Variants in CREB5 observed in about 807,000 individuals in gnomAD.
CREB5 encodes the protein cyclic AMP-responsive element-binding protein 5.
A neutral mutation model predicts 57.1 loss-of-function variants in CREB5; 19 were observed. That is an observed-to-expected ratio of 0.33 (90% CI 0.23 to 0.49). The LOEUF is 0.49. Among genes scored for constraint, CREB5 ranks in the 20% least tolerant of loss-of-function variants. The pLI, the probability that CREB5 is intolerant of heterozygous loss-of-function variation, is 0.99. For synonymous variants in CREB5, 238 were observed against 238.3 expected (o/e 1.00, Z 0.01); for missense variants, 579 against 671.6 (o/e 0.86, Z 1.52).
intron 1 of CREB5, among the ~76,000 whole-genome samples, chr7:28,351,845 C>T (rs1019181990): frequency 5.9e-5 from 9 of 151,946 alleles, no homozygotes; most frequent in African/African-American, 2.2e-4. Flanking sequence ...TTATAGTCTA[C>T]AGTAATAAAG....
intron 1 of CREB5, among the ~76,000 whole-genome samples, chr7:28,380,255 C>T (rs1051420058): frequency 3.0e-4 from 45 of 152,228 alleles, no homozygotes; most frequent in African/African-American, 1.1e-3. Context: ...CACTTTTCCA[C>T]TCAGCCAGTG....
intron 1 of CREB5, among the ~76,000 whole-genome samples, chr7:28,463,215 A>T (rs1379269754): frequency 3.3e-5 from 5 of 152,082 alleles, no homozygotes; most frequent in African/African-American, 1.2e-4. Context: ...TGATCTTGGC[A>T]TCCTTCTTGA....
chr7:28,351,467 T>G (rs1358067582), intron 1 of CREB5, among the ~76,000 whole-genome samples: 2 of 152,204 alleles, frequency 1.3e-5, no homozygotes, highest in Non-Finnish European at 2.9e-5. Context: ...AAGATCAGAC[T>G]GTCTCTTGTG....
At chr7:28,731,504 C>T (rs1381321091) in intron 7 of CREB5, among the ~76,000 whole-genome samples, 2 of 152,146 alleles carry the variant, frequency 1.3e-5, no homozygotes, top group Admixed American at 1.3e-4. Flanking sequence ...TTCGGGGATT[C>T]TTTTGGCAAA....
chr7:28,635,833 T>C (rs1798397005), intron 5 of CREB5, among the ~76,000 whole-genome samples: 6 of 152,228 alleles, frequency 3.9e-5, no homozygotes, highest in Non-Finnish European at 1.5e-5. Context: ...CCAGTTGATA[T>C]GGTGTCTCCC....
chr7:28,631,210 T>C (rs1477450695), intron 5 of CREB5, among the ~76,000 whole-genome samples: 1 of 152,236 alleles, frequency 6.6e-6, no homozygotes, highest in African/African-American at 2.4e-5. Flanking sequence ...ACTGCTTTAA[T>C]CTGCCTCCCA....
intron 6 of CREB5, among the ~76,000 whole-genome samples, chr7:28,719,917 G>T (rs1045115175): frequency 2.0e-5 from 3 of 152,082 alleles, no homozygotes. Context: ...AAAATTAGCT[G>T]GGCGTGGTGG....
At chr7:28,507,808 T>G (rs1364523870) in intron 4 of CREB5, 71 bp downstream of exon 4, 2 of 1,484,370 alleles carry the variant, frequency 1.3e-6, no homozygotes, top group African/African-American at 1.4e-5. Flanking sequence ...TAGGTGGCAC[T>G]GCACTGCAGA....
intron 1 of CREB5, among the ~76,000 whole-genome samples, chr7:28,334,956 A>G (rs1460279810): frequency 6.6e-6 from 1 of 152,102 alleles, no homozygotes; most frequent in African/African-American, 2.4e-5. Context: ...TTTATTGAAG[A>G]CTGTCCTTTT....
At chr7:28,367,769 C>T (rs1220174187) in intron 1 of CREB5, among the ~76,000 whole-genome samples, 2 of 152,172 alleles carry the variant, frequency 1.3e-5, no homozygotes, top group Non-Finnish European at 2.9e-5. Context: ...GATCCAGCCA[C>T]TGTACTCCAG....
intron 1 of CREB5, among the ~76,000 whole-genome samples, chr7:28,315,656 C>G (rs537338772): frequency 6.6e-6 from 1 of 152,336 alleles, no homozygotes; most frequent in Admixed American, 6.5e-5. Flanking sequence ...TTGTGTTTGA[C>G]CTCGTCCCGA....
intron 5 of CREB5, among the ~76,000 whole-genome samples, chr7:28,656,467 C>T (rs1583488910): frequency 1.3e-5 from 2 of 152,130 alleles, no homozygotes; most frequent in South Asian, 4.1e-4. Flanking sequence ...GTATTTATAC[C>T]TAATCATTTC....
intron 7 of CREB5, among the ~76,000 whole-genome samples, chr7:28,776,906 C>T (rs769145951): frequency 3.3e-5 from 5 of 152,122 alleles, no homozygotes; most frequent in African/African-American, 1.2e-4. Context: ...AATAATATTC[C>T]ATTGTGTGGC....
intron 5 of CREB5, among the ~76,000 whole-genome samples, chr7:28,685,730 C>T (rs1171494927): frequency 3.3e-5 from 5 of 150,396 alleles, no homozygotes; most frequent in African/African-American, 1.2e-4. Flanking sequence ...TGACCCCTGC[C>T]TGCAGAACTC....
At chr7:28,676,185 T>A (rs926628337) in intron 5 of CREB5, among the ~76,000 whole-genome samples, 6 of 152,176 alleles carry the variant, frequency 3.9e-5, no homozygotes, top group Admixed American at 2.0e-4. Context: ...GCTTTCATCA[T>A]AACTATCATT....
intron 1 of CREB5, among the ~76,000 whole-genome samples, chr7:28,470,167 T>C (rs1790746981): frequency 6.6e-6 from 1 of 152,202 alleles, no homozygotes; most frequent in Admixed American, 6.5e-5. Flanking sequence ...GCTTTATTCA[T>C]TCATTCTAAC....
At chr7:28,322,022 A>G (rs1318441058) in intron 1 of CREB5, among the ~76,000 whole-genome samples, 9 of 152,104 alleles carry the variant, frequency 5.9e-5, no homozygotes, top group Admixed American at 3.9e-4. Context: ...AAATTAGGTA[A>G]CTCATTTTAT....
intron 4 of CREB5, among the ~76,000 whole-genome samples, chr7:28,516,974 A>C (rs898824064): frequency 1.1e-4 from 16 of 152,196 alleles, no homozygotes; most frequent in Non-Finnish European, 2.4e-4. Context: ...TCTGCAGAGG[A>C]AGCTCACGCT....
chr7:28,403,942 C>T (rs942588355), intron 1 of CREB5, among the ~76,000 whole-genome samples: 3 of 152,146 alleles, frequency 2.0e-5, no homozygotes, highest in African/African-American at 7.2e-5. Flanking sequence ...TACTGTTCAT[C>T]TTTACATCCT....
Sources: allele counts gnomAD v4.1 joint callset (sites outside exome capture counted in the v4.1 genomes callset), GRCh38; gene constraint gnomAD v4.1.1; transcripts MANE v1.5; gene names NCBI Gene and HGNC (gene_info 2026-07-23, HGNC 2026-07-21).